TRAPPC9: variants seen among roughly 807,000 people sequenced by gnomAD.
The protein encoded by TRAPPC9 is trafficking protein particle complex subunit 9, also known as IKK2 binding protein.
Under a neutral mutation model 124.0 loss-of-function variants are expected in TRAPPC9, and 83 were observed. The observed-to-expected ratio is 0.67, with a 90% CI of 0.56 to 0.80. The LOEUF (loss-of-function observed/expected upper bound fraction) is 0.80, where lower values mean the gene tolerates loss of function less well. Ranked by LOEUF, TRAPPC9 falls within the 30% of genes least tolerant of loss-of-function variation. The pLI is 0.00. For synonymous variants in TRAPPC9, 638 were observed against 617.5 expected (o/e 1.03, Z -0.49); for missense variants, 1,302 against 1,508.3 (o/e 0.86, Z 2.27).
chr8:140,228,601 C>T (rs1433477338), intron 16 of TRAPPC9, among the ~76,000 whole-genome samples: 3 of 152,230 alleles, frequency 2.0e-5, no homozygotes, highest in Non-Finnish European at 2.9e-5. Context: ...TGGATGCTCC[C>T]TGCAGTGGGA....
intron 19 of TRAPPC9, among the ~76,000 whole-genome samples, chr8:139,947,907 T>TATATATATATAGAGAGAGAGAGAGAGAG: frequency 8.3e-5 from 5 of 60,372 alleles, no homozygotes; most frequent in East Asian, 4.4e-4. Flanking sequence ...TATATATATA[T>TATATATATATAGAGAGAGAGAGAGAGAG]AGAGAGAGAG....
intron 19 of TRAPPC9, among the ~76,000 whole-genome samples, chr8:139,923,428 G>A (rs988870052): frequency 6.6e-5 from 10 of 152,092 alleles, no homozygotes; most frequent in East Asian, 1.9e-4. Flanking sequence ...GGGCCTCTGC[G>A]GCCGGCATTG....
chr8:140,029,641 A>AATAT lies in TRAPPC9; in HGVS notation c.2557-5566_2557-5563dup, dbSNP rs139497133. 8.5e-3 allele frequency among the ~76,000 whole-genome samples: 1,265 copies of AATAT among 148,076 alleles called. 7 individuals are homozygous for AATAT. Among genetic ancestry groups the AATAT allele is most frequent in the Middle Eastern group, 0.018 (5 of 282 alleles). ...TAAGTATAATAATAATAAAATTAAA[A>AATAT]ATATATATATATATACTCCCAAAAG... On this transcript the variant is annotated intron_variant, in intron 17 of 22. Transcript: ENST00000438773.
chr8:140,335,489 C>T lies in TRAPPC9; in HGVS notation c.1496-24115G>A, dbSNP rs545931426. On this transcript the variant is annotated intron_variant, in intron 9 of 22. Coordinates refer to ENST00000438773, the MANE Select transcript of TRAPPC9 (RefSeq NM_001160372.4). ...AAAATGCCAACACCCTTAACTCAAA[C>T]GGGAAACATAGAAGGAAAAGAGAAT... Among the ~76,000 whole-genome samples, 157 of 152,042 alleles carry T rather than the reference C, an allele frequency of 1.0e-3. 1 individual carries two copies. The highest frequency in any genetic ancestry group is 3.7e-3 in the African/African-American group (152 of 41,444).
At chr8:139,932,373 G>A (rs1294873574) in intron 19 of TRAPPC9, 1 of 457,900 alleles carries the variant, frequency 2.2e-6, no homozygotes, top group Non-Finnish European at 4.4e-6. Flanking sequence ...ATGCCACACT[G>A]GATCAGAAGC....
chr8:140,336,036 A>G (rs955973322), intron 9 of TRAPPC9, among the ~76,000 whole-genome samples: 8 of 152,048 alleles, frequency 5.3e-5, no homozygotes, highest in African/African-American at 9.7e-5. Context: ...TATAATCTCA[A>G]TGACTCACTG....
chr8:139,846,312 A>G (rs1006714462), intron 21 of TRAPPC9, among the ~76,000 whole-genome samples: 1 of 152,158 alleles, frequency 6.6e-6, no homozygotes, highest in Non-Finnish European at 1.5e-5. Flanking sequence ...CACCCCCCGC[A>G]GCAGGCAGCA....
At chr8:139,779,784 C>CA (rs144123696) in intron 21 of TRAPPC9, among the ~76,000 whole-genome samples, 6,109 of 151,550 alleles carry the variant, frequency 0.04, 421 homozygotes, top group African/African-American at 0.14. Context: ...AAAGAATTGA[C>CA]AAAAAAAACC....
chr8:139,818,733 G>A (rs772171890), intron 21 of TRAPPC9, among the ~76,000 whole-genome samples: 1 of 152,228 alleles, frequency 6.6e-6, no homozygotes, highest in Non-Finnish European at 1.5e-5. Context: ...CCAATGTGAT[G>A]TTAACTGGCT....
chr8:140,233,623 C>CACACACACACA (rs1554648047), intron 16 of TRAPPC9, among the ~76,000 whole-genome samples: 883 of 90,872 alleles, frequency 9.7e-3, no homozygotes, highest in Admixed American at 0.013. Context: ...TCTCTCCCCA[C>CACACACACACA]CACACACACA....
chr8:140,146,696 G>T (rs1469885365), intron 17 of TRAPPC9, among the ~76,000 whole-genome samples: 2 of 152,086 alleles, frequency 1.3e-5, no homozygotes, highest in African/African-American at 4.8e-5. Flanking sequence ...GATGGCTCTT[G>T]CCTGAGTCTC....
At chr8:140,096,220 G>A (rs1161924251) in intron 17 of TRAPPC9, 1 of 152,248 alleles carries the variant, frequency 6.6e-6, no homozygotes, top group African/African-American at 2.4e-5. Context: ...AAAATACACA[G>A]GGGCTGAGTG....
At chr8:139,760,826 A>C (rs571744955) in intron 21 of TRAPPC9, among the ~76,000 whole-genome samples, 1 of 152,346 alleles carries the variant, frequency 6.6e-6, no homozygotes, top group South Asian at 2.1e-4. Flanking sequence ...TGAGAACAGC[A>C]CGGGAAAGAC....
At chr8:140,434,797 C>T (rs186056071) in intron 4 of TRAPPC9, among the ~76,000 whole-genome samples, 2,395 of 152,082 alleles carry the variant, frequency 0.016, 20 homozygotes, top group Non-Finnish European at 0.027. Flanking sequence ...AGTGAAACCC[C>T]GCCTCTATTA....
At chr8:140,214,674 C>T (rs1239656966) in intron 17 of TRAPPC9, among the ~76,000 whole-genome samples, 1 of 152,186 alleles carries the variant, frequency 6.6e-6, no homozygotes, top group Non-Finnish European at 1.5e-5. Flanking sequence ...GTCTTGCTGG[C>T]TTGCATAAAT....
At chr8:140,307,439 C>T (rs1396712177) in intron 10 of TRAPPC9, among the ~76,000 whole-genome samples, 1 of 152,070 alleles carries the variant, frequency 6.6e-6, no homozygotes, top group Non-Finnish European at 1.5e-5. Flanking sequence ...TCTAAGGGAT[C>T]CAACTATTTA....
At chr8:140,113,711 G>A (rs1383956110) in intron 17 of TRAPPC9, among the ~76,000 whole-genome samples, 1 of 152,192 alleles carries the variant, frequency 6.6e-6, no homozygotes, top group African/African-American at 2.4e-5. Flanking sequence ...GGTTCCTCAA[G>A]TTTTGGGGGA....
intron 9 of TRAPPC9, among the ~76,000 whole-genome samples, chr8:140,312,631 A>C (rs1223572494): frequency 6.6e-6 from 1 of 152,182 alleles, no homozygotes; most frequent in Non-Finnish European, 1.5e-5. Flanking sequence ...CAAGTGCTCC[A>C]CTGAGGCTGG....
intron 12 of TRAPPC9, 46 bp from the exon 13 acceptor site, chr8:140,287,780 T>C (rs1048040965): frequency 6.2e-7 from 1 of 1,612,916 alleles, no homozygotes; most frequent in African/African-American, 1.3e-5. Flanking sequence ...AAACCTACTG[T>C]GTGTGCTCAG....
Sources: allele counts gnomAD v4.1 joint callset (sites outside exome capture counted in the v4.1 genomes callset), GRCh38; gene constraint gnomAD v4.1.1; transcripts MANE v1.5; gene names NCBI Gene and HGNC (gene_info 2026-07-23, HGNC 2026-07-21).